BRME1: variants seen among roughly 807,000 people sequenced by gnomAD.
BRME1 encodes the protein BRCA2 and MEILB2-associating protein 1.
A neutral mutation model predicts 52.6 loss-of-function variants in BRME1; 31 were observed. The ratio of observed to expected loss-of-function variants is 0.59; its 90% CI spans 0.44 to 0.80. The LOEUF is 0.80. Ranked by LOEUF, BRME1 falls within the 30% of genes least tolerant of loss-of-function variation. The pLI is 0.00. For missense variants in BRME1, 804 were observed against 860.3 expected (o/e 0.93, Z 0.82); for synonymous variants, 359 against 353.6 (o/e 1.02, Z -0.17).
chr19:13,889,729 G>T lies in BRME1; in HGVS notation c.1127C>A (p.Ala376Asp), dbSNP rs1290175712. Residue 376 changes from alanine (A) to aspartate (D), a missense_variant, in exon 6 of 9, where the codon GCT becomes GAT. By Grantham distance (126) the Ala-to-Asp change is moderately radical. This residue lies in a region of BRME1 where 552 missense variants were observed against 561.1 expected (regional missense o/e 0.98). Transcript: ENST00000586783. ...ISPASPRRKA[A>D]DGGHRRALPG... ...CAAGGCCCTCCTGTGGCCTCCATCAGCGGCCTTCCTCCTGGGAGAGGCAGG... is the reference window on the plus strand; with the variant it reads ...CAAGGCCCTCCTGTGGCCTCCATCATCGGCCTTCCTCCTGGGAGAGGCAGG... 3.7e-6 allele frequency: 6 copies of T among 1,608,514 alleles called. No homozygotes were observed. In the East Asian group the frequency reaches 1.3e-4, roughly 36 times the overall value.
Position 13,904,933 on chromosome 19 carries a change from C to G in BRME1, c.-21-20G>C, listed in dbSNP as rs1568396055. The G allele has an allele frequency of 6.3e-7, 1 of 1,589,940 alleles. No homozygotes were observed. The highest frequency in any genetic ancestry group is 8.6e-7 in the Non-Finnish European group (1 of 1,158,598). ...AGAAATCTGAAAACAAGCAAAATCTCTCATCATTATAAGCAGTCTCTGTCT... is the reference window on the plus strand; with the variant it reads ...AGAAATCTGAAAACAAGCAAAATCTGTCATCATTATAAGCAGTCTCTGTCT... On this transcript the variant is annotated intron_variant, in intron 1 of 8. Transcript: ENST00000586783.
chr19:13,889,490 G>A lies in BRME1; in HGVS notation c.1366C>T (p.Gln456Ter). The change falls in exon 6 of 9, where the codon CAA becomes TAA. Residue 456 changes from glutamine to a stop codon, truncating the protein, a stop_gained. Transcript: ENST00000586783. LOFTEE classifies it high-confidence loss of function. ...TGGCCACCTAACTCGGCTTCCTCTT[G>A]AGCAGGACCTGGCTCCTGCTTCTGA... is the stretch of plus-strand genomic sequence containing the variant. ...VNQKQEPGPA[Q>*]EEAELGGQNL... 2 of 1,613,900 alleles carry A rather than the reference G, an allele frequency of 1.2e-6. No homozygotes were observed. The highest frequency in any genetic ancestry group is 2.7e-5 in the African/African-American group (2 of 75,060).
chr19:13,891,401 G>A (rs971766858), intron 5 of BRME1, among the ~76,000 whole-genome samples: 10 of 151,788 alleles, frequency 6.6e-5, no homozygotes, highest in Non-Finnish European at 2.9e-5. Context: ...TGCCCATCTC[G>A]GCCTCCCAAA....
At chr19:13,891,486 G>C (rs780571288) in intron 5 of BRME1, among the ~76,000 whole-genome samples, 5 of 149,124 alleles carry the variant, frequency 3.4e-5, no homozygotes, top group Non-Finnish European at 7.4e-5. Context: ...TCATAATTTT[G>C]AGACAGGGTC....
Position 13,883,163 on chromosome 19 carries a change from G to T in BRME1, c.1856+145C>A. 1.0e-6 allele frequency: 1 copy of T among 962,890 alleles called. No homozygotes were observed. The highest frequency in any genetic ancestry group is 1.5e-6 in the Non-Finnish European group (1 of 653,046). The allele number at this position is 962,890 out of a possible 1,614,324, so 59.6% of individuals were successfully genotyped here. A position where few individuals can be genotyped will look rare whatever the true frequency, so the allele number is the denominator to read the frequency against. On this transcript the variant is annotated intron_variant, in intron 8 of 8. Coordinates refer to ENST00000586783, the MANE Select transcript of BRME1 (RefSeq NM_001345843.2). The surrounding 1 kb of genome is among the most constrained non-coding windows in gnomAD (Gnocchi z 4.2). The stretch of plus-strand genomic sequence containing the variant: ...GTGTTCTGCAAAGGACGGGGGAGGG[G>T]GGCCACGGTGAGGACCCAGCAGCAG...
Position 13,893,190 on chromosome 19 carries a change from C to T in BRME1, c.240G>A (p.Arg80=), listed in dbSNP as rs1239524900. Residue 80 remains arginine (R), a synonymous_variant, in exon 4 of 9, where the codon CGG becomes CGA. Coordinates refer to ENST00000586783, the MANE Select transcript of BRME1 (RefSeq NM_001345843.2). Reference sequence around the variant, plus strand: ...GCTCCTTTTCTGGTTGACGGAGGAGCCGGCAGGGAGATCCTGTTTCCTCAT... The same window carrying T: ...GCTCCTTTTCTGGTTGACGGAGGAGTCGGCAGGGAGATCCTGTTTCCTCAT... ...SPDEETGSPC[R]LLRQPEKEPA... The T allele has an allele frequency of 6.3e-7, 1 of 1,590,228 alleles. No homozygotes were observed. Among genetic ancestry groups the T allele is most frequent in the Non-Finnish European group, 8.5e-7 (1 of 1,170,240 alleles).
intron 5 of BRME1, 115 bp downstream of exon 5, chr19:13,892,671 G>A (rs902233548): frequency 1.4e-6 from 1 of 708,136 alleles, no homozygotes; most frequent in Admixed American, 2.5e-5. Context: ...ACGGTGGGTG[G>A]AGAGGTGCAG....
In BRME1 at chr19:13,892,825, C is replaced by G; in HGVS notation, c.354G>C (p.Glu118Asp). ...KSRKTVTRKE[E>D]MKDEDRGSGA... ...CACTCCCACGGTCCTCATCCTTCATCTCTTCTTTTCTTGTCACTGTCTTCC... is the reference window on the plus strand; with the variant it reads ...CACTCCCACGGTCCTCATCCTTCATGTCTTCTTTTCTTGTCACTGTCTTCC... Residue 118 changes from glutamate to aspartate, a missense_variant, in exon 5 of 9, where the codon GAG becomes GAC. This residue lies in a region of BRME1 where 234 missense variants were observed against 258.1 expected (regional missense o/e 0.91). Transcript: ENST00000586783. 6.2e-7 allele frequency: 1 copy of G among 1,614,200 alleles called. No individual in the cohort carries two copies. The highest frequency in any genetic ancestry group is 8.5e-7 in the Non-Finnish European group (1 of 1,180,010).
intron 6 of BRME1, among the ~76,000 whole-genome samples, chr19:13,886,472 G>A (rs1205184511): frequency 2.0e-5 from 3 of 152,188 alleles, no homozygotes; most frequent in African/African-American, 4.8e-5. Context: ...AAGTGGAGTC[G>A]TCTACCTTGG....
chr19:13,902,306 T>A lies in BRME1; in HGVS notation c.31+2556A>T, dbSNP rs550920012. On this transcript the variant is annotated intron_variant, in intron 2 of 8. Coordinates refer to ENST00000586783, the MANE Select transcript of BRME1 (RefSeq NM_001345843.2). The stretch of plus-strand genomic sequence containing the variant: ...GTGAGTCAAGATCGTGCCACTGCAC[T>A]CCAGTCTGGGCAACAGAGTGAGACA... Among the ~76,000 whole-genome samples, 13 of 152,122 alleles carry A rather than the reference T, an allele frequency of 8.5e-5. No individual in the cohort carries two copies. The South Asian group carries it at 1.9e-3, about 22-fold the overall frequency.
chr19:13,883,361 C>T lies in BRME1; in HGVS notation c.1803G>A (p.Met601Ile). 1 of 1,535,390 alleles carries T rather than the reference C, an allele frequency of 6.5e-7. No homozygotes were observed. Among genetic ancestry groups the T allele is most frequent in the Non-Finnish European group, 8.7e-7 (1 of 1,146,288 alleles). Residue 601 changes from methionine to isoleucine, a missense_variant, in exon 8 of 9, where the codon ATG becomes ATA. Physicochemically the swap from Met to Ile is conservative, Grantham distance 10 (BLOSUM62 1). This residue lies in a region of BRME1 where 552 missense variants were observed against 561.1 expected (regional missense o/e 0.98). Coordinates refer to ENST00000586783, the MANE Select transcript of BRME1 (RefSeq NM_001345843.2). This position sits in a 1 kb window ranked among gnomAD's most constrained non-coding sequence, Gnocchi z 4.2. ...CACGCACGACGTTGGTGGCATCCTC[C>T]ATCCTGGAGGCCTCAGAGGCCTGGA... ...VGIQASEASR[M>I]EDATNVVRGL...
intron 2 of BRME1, among the ~76,000 whole-genome samples, chr19:13,896,098 C>T (rs1287713528): frequency 2.6e-5 from 4 of 152,062 alleles, no homozygotes; most frequent in Admixed American, 6.6e-5. Context: ...GGCAAAACCC[C>T]GTCTCTACTG....
chr19:13,890,124 C>T lies in BRME1; in HGVS notation c.732G>A (p.Gly244=), dbSNP rs768503544. The T allele has an allele frequency of 1.2e-6, 2 of 1,614,182 alleles. No individual in the cohort carries two copies. Among genetic ancestry groups the T allele is most frequent in the South Asian group, 1.1e-5 (1 of 91,092 alleles). ...KEHLPSIDSE[G]EKPDRGAPQE... is the part of the protein sequence containing the mutation. ...GGGGGGCTCCTCTGTCTGGCTTCTC[C>T]CCTTCAGAATCAATGCTTGGTAGGT... Residue 244 remains glycine (G), a synonymous_variant, in exon 6 of 9, where the codon GGG becomes GGA. Coordinates refer to ENST00000586783, the MANE Select transcript of BRME1 (RefSeq NM_001345843.2).
In BRME1 at chr19:13,882,748, A is replaced by T; in HGVS notation, c.*54T>A. On this transcript the variant is annotated 3_prime_UTR_variant, in exon 9 of 9. Coordinates refer to ENST00000586783, the MANE Select transcript of BRME1 (RefSeq NM_001345843.2). ...AGGACCCCCTGGAGCATCTTGGAGGAGGTCTGCGGACATGGGGGCTGGGTG... is the reference window on the plus strand; with the variant it reads ...AGGACCCCCTGGAGCATCTTGGAGGTGGTCTGCGGACATGGGGGCTGGGTG... 1 of 1,603,940 alleles carries T rather than the reference A, an allele frequency of 6.2e-7. No individual in the cohort carries two copies.
chr19:13,882,525 C>G lies in BRME1; in HGVS notation c.*277G>C, dbSNP rs539604157. 1 of 532,014 alleles carries G rather than the reference C, an allele frequency of 1.9e-6. No homozygotes were observed. Among genetic ancestry groups the G allele is most frequent in the Non-Finnish European group, 3.3e-6 (1 of 304,024 alleles). 33.0% of individuals were successfully genotyped at this position (532,014 alleles called of 1,614,324 possible). On this transcript the variant is annotated 3_prime_UTR_variant, in exon 9 of 9. Coordinates refer to ENST00000586783, the MANE Select transcript of BRME1 (RefSeq NM_001345843.2). ...AAATCCGGACAGGATGGGCCCTGCT[C>G]AGAGGTGGCCAGCTTCCTGGAGCCC...
intron 6 of BRME1, among the ~76,000 whole-genome samples, chr19:13,886,409 CCTCA>C (rs1969025488): frequency 6.6e-6 from 1 of 152,346 alleles, no homozygotes; most frequent in African/African-American, 2.4e-5. Context: ...CCTGCATGCC[CCTCA>C]CTGTCTTTAC....
chr19:13,905,335 CCTCT>C (rs972257923), intron 1 of BRME1, among the ~76,000 whole-genome samples: 1 of 151,816 alleles, frequency 6.6e-6, no homozygotes, highest in Non-Finnish European at 1.5e-5. Flanking sequence ...GGTGAAACCC[CCTCT>C]CTATTAAAAA....
intron 6 of BRME1, among the ~76,000 whole-genome samples, chr19:13,887,624 T>C (rs1238268794): frequency 6.6e-6 from 1 of 152,194 alleles, no homozygotes. Flanking sequence ...CTGGAGGCAA[T>C]GGAGGCGGCT....
intron 5 of BRME1, among the ~76,000 whole-genome samples, chr19:13,891,955 C>T (rs537028763): frequency 6.6e-6 from 1 of 152,062 alleles, no homozygotes; most frequent in East Asian, 2.0e-4. Context: ...CACCTGTAGT[C>T]CCAGCTACTG....
Sources: gnomAD v4.1 joint callset for allele counts (sites outside exome capture counted in the v4.1 genomes callset) on GRCh38, gnomAD v4.1.1 for gene constraint, gnomAD v4.1.1 regional missense constraint, Gnocchi (gnomAD v3.1) non-coding constraint, MANE v1.5 for transcripts, NCBI Gene and HGNC (gene_info 2026-07-23, HGNC 2026-07-21) for gene names.